Variants in MED4 observed in about 807,000 individuals in gnomAD.
The protein encoded by MED4 is mediator complex subunit 4.
In MED4, 21 loss-of-function variants were observed where a neutral mutation model predicts 35.0. That is an observed-to-expected ratio of 0.60 (90% CI 0.43 to 0.86). The LOEUF (loss-of-function observed/expected upper bound fraction) is 0.86, where lower values mean the gene tolerates loss of function less well. Among genes scored for constraint, MED4 ranks in the 40% least tolerant of loss-of-function variants. The pLI is 0.00. For missense variants in MED4, 300 were observed against 319.4 expected (o/e 0.94, Z 0.46); for synonymous variants, 138 against 114.0 (o/e 1.21, Z -1.34).
At chr13:48,077,874 TG>T (rs1483130749) in intron 6 of MED4, among the ~76,000 whole-genome samples, 3 of 152,238 alleles carry the variant, frequency 2.0e-5, no homozygotes, top group African/African-American at 7.2e-5. Flanking sequence ...GTAAGACATT[TG>T]TAATTACAAA....
At chr13:48,085,710 T>C (rs1367693697) in intron 3 of MED4, among the ~76,000 whole-genome samples, 1 of 152,172 alleles carries the variant, frequency 6.6e-6, no homozygotes, top group Non-Finnish European at 1.5e-5. Flanking sequence ...AGTTAGTATT[T>C]AGTGAAGTAA....
intron 6 of MED4, among the ~76,000 whole-genome samples, chr13:48,077,805 T>TA (rs1364277552): frequency 6.6e-6 from 1 of 152,180 alleles, no homozygotes; most frequent in East Asian, 1.9e-4. Context: ...GGGACTTTTT[T>TA]AAAAAAATCA....
chr13:48,088,539 C>T (rs1035990265), intron 2 of MED4, among the ~76,000 whole-genome samples: 1 of 152,194 alleles, frequency 6.6e-6, no homozygotes, highest in Non-Finnish European at 1.5e-5. Context: ...TCTATAAAAG[C>T]TGTATTATTA....
Position 48,093,387 on chromosome 13 carries a change from A to G in MED4, c.125+1567T>C, listed in dbSNP as rs535555481. On this transcript the variant is annotated intron_variant, in intron 1 of 6. Transcript: ENST00000258648. ...TAATCAGGTTAATAGAAAAAAAAAG[A>G]TCCTAAGTTATAAATCCACTATTTT... Among the ~76,000 whole-genome samples, 8 of 152,360 alleles carry G rather than the reference A, an allele frequency of 5.3e-5. No individual in the cohort carries two copies. The South Asian group carries it at 1.7e-3, about 32-fold the overall frequency.
At chr13:48,079,366 A>G (rs1950787036) in intron 6 of MED4, among the ~76,000 whole-genome samples, 1 of 152,250 alleles carries the variant, frequency 6.6e-6, no homozygotes, top group Non-Finnish European at 1.5e-5. Flanking sequence ...AGAGAAAGGC[A>G]GCTTGTTCTA....
In MED4 at chr13:48,077,225, C is replaced by T; in HGVS notation, c.727G>A (p.Glu243Lys). The change falls in exon 7 of 7, where the codon GAA (glutamate) becomes AAA (lysine). Residue 243 changes from glutamate (E) to lysine (K), a missense_variant. Glu to Lys is a moderately conservative substitution (Grantham distance 56). Coordinates refer to ENST00000258648, the MANE Select transcript of MED4 (RefSeq NM_014166.4). ...PPNHSSDFLL[E>K]PPGHNKENED... ...TTTTCTTTATTATGCCCAGGAGGTTCCAACAAAAAGTCACTACTATGATTT... is the reference window on the plus strand; with the variant it reads ...TTTTCTTTATTATGCCCAGGAGGTTTCAACAAAAAGTCACTACTATGATTT... The T allele has an allele frequency of 6.2e-7, 1 of 1,601,622 alleles. No homozygotes were observed. Among genetic ancestry groups the T allele is most frequent in the Non-Finnish European group, 8.5e-7 (1 of 1,176,014 alleles).
intron 2 of MED4, among the ~76,000 whole-genome samples, chr13:48,087,318 C>T (rs1172750441): frequency 1.3e-5 from 2 of 151,880 alleles, no homozygotes; most frequent in African/African-American, 2.4e-5. Context: ...GAGCTGAGAT[C>T]GCGCCATTGC....
chr13:48,087,386 A>AT, intron 2 of MED4, among the ~76,000 whole-genome samples: 1 of 152,220 alleles, frequency 6.6e-6, no homozygotes, highest in African/African-American at 2.4e-5. Flanking sequence ...TGTATATATA[A>AT]ATAATGAAAG....
chr13:48,079,741 AT>A lies in MED4; in HGVS notation c.640+102del. The A allele has an allele frequency of 1.2e-4, 166 of 1,367,748 alleles. No homozygotes were observed. The Admixed American group carries it at 3.5e-3, about 29-fold the overall frequency. The allele number at this position is 1,367,748 out of a possible 1,614,324, so 84.7% of individuals were successfully genotyped here. ...GTCTCAAATTTACAAAAAAAAAAAA[AT>A]TGTGTCGGGAATCTCAAACTTGCTT... On this transcript the variant is annotated intron_variant, in intron 6 of 6. Transcript: ENST00000258648.
chr13:48,077,506 G>A (rs1950769995), intron 6 of MED4, 195 bp from the exon 7 acceptor site: 2 of 387,002 alleles, frequency 5.2e-6, no homozygotes, highest in Admixed American at 4.4e-5. Flanking sequence ...CCCTGACCTA[G>A]GCTCAAGCAA....
At chr13:48,084,265 C>CAAAA (rs71099664) in intron 3 of MED4, among the ~76,000 whole-genome samples, 33 of 109,952 alleles carry the variant, frequency 3.0e-4, no homozygotes, top group African/African-American at 1.1e-3. Flanking sequence ...GACTCTGTCT[C>CAAAA]AAAAAAAAAA....
Position 48,077,118 on chromosome 13 carries a change from T to C in MED4, c.*21A>G. ...CAGAATTCTACAGTATTCAATTCTG[T>C]ATATTGTCTTTTAAGGTTTTTCAAT... On this transcript the variant is annotated 3_prime_UTR_variant, in exon 7 of 7. Coordinates refer to ENST00000258648, the MANE Select transcript of MED4 (RefSeq NM_014166.4). The C allele has an allele frequency of 6.3e-7, 1 of 1,578,866 alleles. No individual in the cohort carries two copies. Among genetic ancestry groups the C allele is most frequent in the Non-Finnish European group, 8.6e-7 (1 of 1,161,896 alleles).
chr13:48,086,157 C>G (rs891018173), intron 3 of MED4, 125 bp downstream of exon 3: 1 of 828,490 alleles, frequency 1.2e-6, no homozygotes, highest in East Asian at 2.5e-5. Flanking sequence ...TGGTGAGTGA[C>G]AAGATATCAC....
intron 6 of MED4, 91 bp downstream of exon 6, chr13:48,079,753 A>T: frequency 6.8e-7 from 1 of 1,464,446 alleles, no homozygotes; most frequent in Non-Finnish European, 9.3e-7. Flanking sequence ...TGTGTCGGGA[A>T]TCTCAAACTT....
intron 2 of MED4, among the ~76,000 whole-genome samples, chr13:48,087,920 A>G (rs1403598209): frequency 6.6e-6 from 1 of 152,156 alleles, no homozygotes; most frequent in African/African-American, 2.4e-5. Flanking sequence ...TACGGCAAAA[A>G]CCATGAAGGC....
chr13:48,090,628 G>T (rs184095258), intron 1 of MED4, among the ~76,000 whole-genome samples: 1 of 152,178 alleles, frequency 6.6e-6, no homozygotes, highest in Non-Finnish European at 1.5e-5. Context: ...ATTGTGAATA[G>T]AGAGAGTTCT....
chr13:48,091,590 T>A (rs1357254103), intron 1 of MED4, among the ~76,000 whole-genome samples: 2 of 152,126 alleles, frequency 1.3e-5, no homozygotes, highest in African/African-American at 4.8e-5. Flanking sequence ...AATCAATGAA[T>A]GAAAAAAGTA....
At chr13:48,087,337 C>T (rs1032391414) in intron 2 of MED4, among the ~76,000 whole-genome samples, 4 of 151,874 alleles carry the variant, frequency 2.6e-5, no homozygotes, top group African/African-American at 7.3e-5. Context: ...GCACTCCAGC[C>T]GGGGCAACAA....
chr13:48,091,700 A>C (rs1203756796), intron 1 of MED4, among the ~76,000 whole-genome samples: 4 of 152,244 alleles, frequency 2.6e-5, no homozygotes, highest in Non-Finnish European at 4.4e-5. Context: ...GGGGTATCAA[A>C]GTGAACAATG....
Sources: allele counts gnomAD v4.1 joint callset (sites outside exome capture counted in the v4.1 genomes callset), GRCh38; gene constraint gnomAD v4.1.1; transcripts MANE v1.5; gene names NCBI Gene and HGNC (gene_info 2026-07-23, HGNC 2026-07-21).